The following VRK2 variants were observed in gnomAD, a reference collection of about 807,000 sequenced individuals.
The protein encoded by VRK2 is VRK serine/threonine kinase 2.
A neutral mutation model predicts 57.6 loss-of-function variants in VRK2; 60 were observed. The observed-to-expected ratio is 1.04, with a 90% CI of 0.85 to 1.29. VRK2 has a LOEUF of 1.29. Among genes scored for constraint, VRK2 ranks in the 50% most tolerant of loss-of-function variants. VRK2 has a pLI of 0.00. For missense variants in VRK2, 705 were observed against 588.1 expected, an observed-to-expected ratio of 1.20 and a Z score of -2.06; for synonymous variants, 231 against 199.2, an observed-to-expected ratio of 1.16 and a Z score of -1.35.
At position 58,068,487 on chromosome 2, in the gene VRK2, A is replaced by G. The variant is rs115730216; in HGVS notation, c.137-15602A>G. ...GTTTTTAGATTTCAGATTTGACTATAATGTGTCTGGGCATTGATTTCTTTG... is the reference window on the plus strand; with the variant it reads ...GTTTTTAGATTTCAGATTTGACTATGATGTGTCTGGGCATTGATTTCTTTG... On this transcript the variant is annotated intron_variant, in intron 2 of 12. Transcript: ENST00000340157. 3.3e-3 allele frequency among the ~76,000 whole-genome samples: 502 copies of G among 152,162 alleles called. 8 individuals are homozygous for G. The highest frequency in any genetic ancestry group is 0.012 in the African/African-American group (478 of 41,540).
At chr2:58,058,264 T>G in intron 2 of VRK2, 2 of 447,374 alleles carry the variant, frequency 4.5e-6, no homozygotes, top group Non-Finnish European at 9.2e-6. Flanking sequence ...CTATTTAACT[T>G]TTGGGAATGA....
At chr2:58,069,362 CG>C (rs1167415938) in intron 2 of VRK2, among the ~76,000 whole-genome samples, 2 of 152,046 alleles carry the variant, frequency 1.3e-5, no homozygotes, top group Non-Finnish European at 2.9e-5. Context: ...GTTAGCTCCA[CG>C]TATACACAGC....
chr2:58,095,182 C>G (rs1464239048), intron 7 of VRK2, among the ~76,000 whole-genome samples: 1 of 151,224 alleles, frequency 6.6e-6, no homozygotes, highest in Non-Finnish European at 1.5e-5. Context: ...TAGTCCCAGC[C>G]ACTCGGGAGG....
intron 1 of VRK2, among the ~76,000 whole-genome samples, chr2:57,939,777 TG>T (rs764819399): frequency 3.3e-5 from 5 of 152,236 alleles, no homozygotes; most frequent in African/African-American, 4.8e-5. Flanking sequence ...TGTTTACACT[TG>T]CTTGAAATTA....
intron 2 of VRK2, among the ~76,000 whole-genome samples, chr2:58,065,033 G>A (rs114382255): frequency 5.7e-4 from 87 of 151,658 alleles, no homozygotes; most frequent in African/African-American, 2.1e-3. Flanking sequence ...TTTTCTTTGT[G>A]CATTTTCTAC....
intron 1 of VRK2, among the ~76,000 whole-genome samples, chr2:57,969,437 T>A (rs1031885826): frequency 6.6e-6 from 1 of 152,048 alleles, no homozygotes; most frequent in Non-Finnish European, 1.5e-5. Context: ...AGTTATTTTT[T>A]ATTTACACTT....
intron 2 of VRK2, among the ~76,000 whole-genome samples, chr2:58,070,074 G>A (rs1372914975): frequency 6.6e-6 from 1 of 152,072 alleles, no homozygotes; most frequent in Non-Finnish European, 1.5e-5. Context: ...TCCCACTGTT[G>A]TTATAGTTTT....
intron 2 of VRK2, among the ~76,000 whole-genome samples, chr2:58,080,868 C>G (rs10174202): frequency 0.061 from 9,205 of 151,780 alleles, 946 homozygotes; most frequent in African/African-American, 0.21. Context: ...GTAATCAAAT[C>G]TAAGATATTA....
chr2:58,114,664 CG>C (rs1676146471), intron 7 of VRK2, among the ~76,000 whole-genome samples: 1 of 150,972 alleles, frequency 6.6e-6, no homozygotes, highest in Admixed American at 6.6e-5. Context: ...TTCTTGAAGA[CG>C]GAGGACCATA....
chr2:58,139,891 T>G, intron 11 of VRK2, 59 bp downstream of exon 11: 2 of 1,474,320 alleles, frequency 1.4e-6, no homozygotes, highest in Non-Finnish European at 1.8e-6. Context: ...TTCTATCGAA[T>G]GAAATTGTTT....
intron 1 of VRK2, among the ~76,000 whole-genome samples, chr2:58,024,542 C>T (rs1279257251): frequency 6.6e-6 from 1 of 152,072 alleles, no homozygotes. Flanking sequence ...TTTAACAATA[C>T]TGTTTATTTT....
At chr2:58,019,264 C>T (rs1314910798) in intron 1 of VRK2, among the ~76,000 whole-genome samples, 4 of 152,172 alleles carry the variant, frequency 2.6e-5, no homozygotes, top group African/African-American at 4.8e-5. Context: ...ATACAAGTAA[C>T]TATTAATACT....
At chr2:58,080,155 C>T (rs907837784) in intron 2 of VRK2, among the ~76,000 whole-genome samples, 2 of 151,960 alleles carry the variant, frequency 1.3e-5, no homozygotes, top group African/African-American at 4.8e-5. Context: ...CACATTTTAA[C>T]TGCATTCTAA....
chr2:58,079,245 C>T (rs1300088478), intron 2 of VRK2, among the ~76,000 whole-genome samples: 1 of 152,068 alleles, frequency 6.6e-6, no homozygotes, highest in African/African-American at 2.4e-5. Flanking sequence ...GTGACATTAA[C>T]TTTGATCCCT....
chr2:57,998,499 G>A (rs1035538404), intron 1 of VRK2, among the ~76,000 whole-genome samples: 11 of 152,038 alleles, frequency 7.2e-5, no homozygotes, highest in Non-Finnish European at 1.5e-4. Flanking sequence ...ATGATGACAG[G>A]GAAACAATGG....
intron 10 of VRK2, among the ~76,000 whole-genome samples, 160 bp from the exon 11 acceptor site, chr2:58,139,506 A>G (rs1489044724): frequency 6.6e-6 from 1 of 152,106 alleles, no homozygotes; most frequent in Non-Finnish European, 1.5e-5. Flanking sequence ...TCATTTTTGA[A>G]TATCATTTAA....
chr2:58,068,929 A>C (rs1190574684), intron 2 of VRK2, among the ~76,000 whole-genome samples: 1 of 151,624 alleles, frequency 6.6e-6, no homozygotes, highest in Non-Finnish European at 1.5e-5. Flanking sequence ...CCTTTGTTTC[A>C]AAAGTGTTTG....
intron 1 of VRK2, among the ~76,000 whole-genome samples, chr2:57,919,052 A>G (rs554915543): frequency 6.6e-6 from 1 of 152,228 alleles, no homozygotes; most frequent in East Asian, 1.9e-4. Flanking sequence ...GCAAAGTATA[A>G]AAATACTTGT....
At chr2:57,942,408 A>G (rs1466618626) in intron 1 of VRK2, among the ~76,000 whole-genome samples, 1 of 152,198 alleles carries the variant, frequency 6.6e-6, no homozygotes, top group Non-Finnish European at 1.5e-5. Context: ...ATTTTGTACC[A>G]GCAATTACCT....
Sources: allele counts gnomAD v4.1 joint callset (sites outside exome capture counted in the v4.1 genomes callset), GRCh38; gene constraint gnomAD v4.1.1; transcripts MANE v1.5; gene names NCBI Gene and HGNC (gene_info 2026-07-23, HGNC 2026-07-21).